Variants in PSG3 observed in about 807,000 individuals in gnomAD.
The protein encoded by PSG3 is pregnancy specific beta-1-glycoprotein 3.
A neutral mutation model predicts 47.5 loss-of-function variants in PSG3; 61 were observed. That is an observed-to-expected ratio of 1.28 (90% CI 1.05 to 1.59). The LOEUF is 1.59. PSG3 is among the 40% of genes most tolerant of loss of function. PSG3 has a pLI of 0.00. For missense variants in PSG3, 756 were observed against 524.0 expected, an observed-to-expected ratio of 1.44 and a Z score of -4.32; for synonymous variants, 263 against 198.4, an observed-to-expected ratio of 1.33 and a Z score of -2.74.
rs374575970 is a variant in PSG3, at chr19:42,729,199, G to A, written c.1167C>T (p.Ser389=). ...TACGAACAGAGCAAGCATAGAGCCC[G>A]CTATGCTTTGTAGTAATCTGGGGGA... ...LFIPQITTKH[S]GLYACSVRNS... Residue 389 remains serine, a synonymous_variant, in exon 5 of 7, where the codon AGC becomes AGT. Coordinates refer to ENST00000327495, the MANE Select transcript of PSG3 (RefSeq NM_021016.4). 108 of 1,613,884 alleles carry A rather than the reference G, an allele frequency of 6.7e-5. No individual in the cohort carries two copies. The highest frequency in any genetic ancestry group is 8.9e-5 in the Non-Finnish European group (105 of 1,179,890).
rs771531189 is a variant in PSG3, at chr19:42,738,932, G to A, written c.222C>T (p.Asp74=). Residue 74 remains aspartate, a synonymous_variant, in exon 2 of 7, where the codon GAC becomes GAT. Coordinates refer to ENST00000327495, the MANE Select transcript of PSG3 (RefSeq NM_021016.4). ...GYIWYKGQMK[D]LYHYITSYVV... is the part of the protein sequence containing the mutation. ...CGTATGATGTAATGTAATGGTAGAG[G>A]TCCTTCATTTGCCCTTTGTACCAGA... 5 of 1,614,014 alleles carry A rather than the reference G, an allele frequency of 3.1e-6. No homozygotes were observed. Among genetic ancestry groups the A allele is most frequent in the Non-Finnish European group, 4.2e-6 (5 of 1,179,980 alleles).
At chr19:42,730,509 A>G (rs1376274554) in intron 3 of PSG3, among the ~76,000 whole-genome samples, 1 of 152,184 alleles carries the variant, frequency 6.6e-6, no homozygotes, top group Non-Finnish European at 1.5e-5. Flanking sequence ...TAATAATGGG[A>G]CTTCCCATGG....
intron 3 of PSG3, among the ~76,000 whole-genome samples, chr19:42,731,208 A>T (rs1160706662): frequency 2.6e-5 from 4 of 152,204 alleles, no homozygotes; most frequent in Non-Finnish European, 5.9e-5. Flanking sequence ...GTTCACACAG[A>T]TTGAGTATTT....
At position 42,729,146 on chromosome 19, in the gene PSG3, T is replaced by G. The variant is rs1423286141; in HGVS notation, c.1220A>C (p.Lys407Thr). ...RNSATGMESS[K>T]SMTVKVSAPS... ...ACCAGAGACTTTGACTGTCATGGAT[T>G]TGGAGCTTTCCATGCCAGTGGCTGA... The change falls in exon 5 of 7, where the codon AAA (lysine) becomes ACA (threonine). Residue 407 changes from lysine (K) to threonine (T), a missense_variant. Transcript: ENST00000327495. 1 of 1,613,982 alleles carries G rather than the reference T, an allele frequency of 6.2e-7. No homozygotes were observed. The highest frequency in any genetic ancestry group is 2.2e-5 in the East Asian group (1 of 44,876).
chr19:42,730,861 G>A (rs1052160340), intron 3 of PSG3, among the ~76,000 whole-genome samples: 1 of 152,226 alleles, frequency 6.6e-6, no homozygotes, highest in Non-Finnish European at 1.5e-5. Context: ...AGAAATACAT[G>A]TGGACATTTG....
chr19:42,740,436 A>G lies in PSG3; in HGVS notation c.-52T>C, dbSNP rs1395213328. 2.5e-6 allele frequency: 4 copies of G among 1,613,648 alleles called. No homozygotes were observed. Among genetic ancestry groups the G allele is most frequent in the Non-Finnish European group, 3.4e-6 (4 of 1,179,796 alleles). On this transcript the variant is annotated 5_prime_UTR_variant, in exon 1 of 7. Transcript: ENST00000327495. Reference sequence around the variant, plus strand: ...CTGTGGAGCTGAGCCTAGGATCCAGAAACTTCCTGAGCATGGCTCTCAGCT... The same window carrying G: ...CTGTGGAGCTGAGCCTAGGATCCAGGAACTTCCTGAGCATGGCTCTCAGCT...
chr19:42,729,443 A>C, intron 4 of PSG3, 66 bp from the exon 5 acceptor site: 1 of 1,560,668 alleles, frequency 6.4e-7, no homozygotes, highest in South Asian at 1.2e-5. Context: ...CTGGTCTCTT[A>C]AAGGGACACA....
Position 42,738,924 on chromosome 19 carries a change from T to C in PSG3, c.230A>G (p.His77Arg), listed in dbSNP as rs756479279. Residue 77 changes from histidine (H) to arginine (R), a missense_variant, in exon 2 of 7, where the codon CAT (histidine) becomes CGT (arginine). Physicochemically the swap from His to Arg is conservative, Grantham distance 29. Transcript: ENST00000327495. ...ATCTACTACGTATGATGTAATGTAATGGTAGAGGTCCTTCATTTGCCCTTT... is the reference window on the plus strand; with the variant it reads ...ATCTACTACGTATGATGTAATGTAACGGTAGAGGTCCTTCATTTGCCCTTT... ...WYKGQMKDLY[H>R]YITSYVVDGQ... 4.3e-6 allele frequency: 7 copies of C among 1,613,874 alleles called. No homozygotes were observed. Among genetic ancestry groups the C allele is most frequent in the Non-Finnish European group, 5.1e-6 (6 of 1,179,994 alleles).
In PSG3 at chr19:42,739,006, C is replaced by T. The variant is rs748059978; in HGVS notation, c.148G>A (p.Asp50Asn). The T allele has an allele frequency of 1.2e-6, 2 of 1,613,980 alleles. No individual in the cohort carries two copies. Among genetic ancestry groups the T allele is most frequent in the African/African-American group, 1.3e-5 (1 of 75,014 alleles). ...AAATTGTGGACAAGTAGAAGAACGT[C>T]CTTCCCCTTGGAAACTTTGGTTGGC... Reference protein sequence around the residue: ...AEPTKVSKGKDVLLLVHNLPQ... With the variant: ...AEPTKVSKGKNVLLLVHNLPQ... The change falls in exon 2 of 7, where the codon GAC (aspartate) becomes AAC (asparagine). Residue 50 changes from aspartate (D) to asparagine (N), a missense_variant. Physicochemically the swap from Asp to Asn is conservative, Grantham distance 23. Coordinates refer to ENST00000327495, the MANE Select transcript of PSG3 (RefSeq NM_021016.4).
At chr19:42,725,246 T>A (rs1301307108) in intron 5 of PSG3, among the ~76,000 whole-genome samples, 2 of 152,150 alleles carry the variant, frequency 1.3e-5, no homozygotes, top group Admixed American at 6.5e-5. Flanking sequence ...TCAGGTGAGG[T>A]ATCAGAGGTT....
At chr19:42,734,672 G>C (rs1445210761) in intron 2 of PSG3, among the ~76,000 whole-genome samples, 1 of 152,188 alleles carries the variant, frequency 6.6e-6, no homozygotes, top group Non-Finnish European at 1.5e-5. Flanking sequence ...TATGCTCAAA[G>C]AAAGATGCCA....
At chr19:42,725,903 A>AG (rs1969370311) in intron 5 of PSG3, among the ~76,000 whole-genome samples, 1 of 150,964 alleles carries the variant, frequency 6.6e-6, no homozygotes, top group South Asian at 2.1e-4. Flanking sequence ...AAAAAAAAAA[A>AG]AAAAAAGAAA....
intron 5 of PSG3, among the ~76,000 whole-genome samples, chr19:42,728,573 T>C (rs1230219280): frequency 3.3e-5 from 5 of 152,216 alleles, no homozygotes; most frequent in Non-Finnish European, 7.3e-5. Flanking sequence ...CCACCAGGGC[T>C]CTTTCTCCAC....
At chr19:42,738,330 G>T (rs143003164) in intron 2 of PSG3, among the ~76,000 whole-genome samples, 24 of 152,320 alleles carry the variant, frequency 1.6e-4, no homozygotes, top group South Asian at 6.2e-4. Flanking sequence ...TTAGGGACAT[G>T]GTTCTGGGGG....
chr19:42,738,943 GC>G lies in PSG3; in HGVS notation c.210del (p.Gln71LysfsTer2). 14 of 1,614,020 alleles carry G rather than the reference GC, an allele frequency of 8.7e-6. No individual in the cohort carries two copies. The highest frequency in any genetic ancestry group is 1.2e-5 in the Non-Finnish European group (14 of 1,179,978). On this transcript the variant is annotated frameshift_variant, in exon 2 of 7. Transcript: ENST00000327495. LOFTEE classifies it high-confidence loss of function. ...ATGTAATGGTAGAGGTCCTTCATTT[GC>G]CCTTTGTACCAGATGTAGCCAGCAA... ...QNLAGYIWYK[G>X]QMKDLYHYIT...
rs538415990 is a variant in PSG3, at chr19:42,739,696, T to A, written c.65-607A>T. Among the ~76,000 whole-genome samples the A allele has an allele frequency of 2.1e-5, 3 of 143,004 alleles. No homozygotes were observed. The East Asian group carries it at 5.8e-4, about 28-fold the overall frequency. The allele number at this position is 143,004 out of a possible 152,430, so 93.8% of individuals were successfully genotyped here. A position where few individuals can be genotyped will look rare whatever the true frequency, so the allele number is the denominator to read the frequency against. On this transcript the variant is annotated intron_variant, in intron 1 of 6. Transcript: ENST00000327495. ...TTTTTTCTTCCCCCAGTTGTTGAGGTTTTTTTGCTGAGGACAGTGTTTCAT... is the reference window on the plus strand; with the variant it reads ...TTTTTTCTTCCCCCAGTTGTTGAGGATTTTTTGCTGAGGACAGTGTTTCAT...
intron 5 of PSG3, among the ~76,000 whole-genome samples, chr19:42,728,166 G>A (rs935916054): frequency 2.6e-5 from 4 of 152,118 alleles, no homozygotes; most frequent in Non-Finnish European, 4.4e-5. Flanking sequence ...GTTTAATATG[G>A]TAAGAGGAAA....
At chr19:42,724,812 TC>T (rs1478404712) in intron 5 of PSG3, among the ~76,000 whole-genome samples, 2 of 152,100 alleles carry the variant, frequency 1.3e-5, no homozygotes, top group Admixed American at 1.3e-4. Flanking sequence ...TAGCTTTTTT[TC>T]TTTCTCTCCC....
intron 5 of PSG3, among the ~76,000 whole-genome samples, chr19:42,727,474 A>C (rs1257222957): frequency 1.3e-5 from 2 of 152,234 alleles, no homozygotes; most frequent in Admixed American, 1.3e-4. Flanking sequence ...TTCTCCAAGG[A>C]AGATATACAA....
Sources: allele counts gnomAD v4.1 joint callset (sites outside exome capture counted in the v4.1 genomes callset), GRCh38; gene constraint gnomAD v4.1.1; transcripts MANE v1.5; gene names NCBI Gene and HGNC (gene_info 2026-07-23, HGNC 2026-07-21).